ATRX: variants seen among roughly 807,000 people sequenced by gnomAD.
ATRX encodes the protein chromatin remodeler ATRX.
In ATRX, 12 loss-of-function variants were observed where a neutral mutation model predicts 172.6. The observed-to-expected ratio is 0.07, with a 90% CI of 0.04 to 0.11. The LOEUF is 0.11. Among genes scored for constraint, ATRX ranks in the 10% least tolerant of loss-of-function variants. ATRX has a pLI of 1.00. For missense variants in ATRX, 1,368 were observed against 1,767.4 expected, an observed-to-expected ratio of 0.77 and a Z score of 4.05; for synonymous variants, 674 against 594.7, an observed-to-expected ratio of 1.13 and a Z score of -1.94.
At chrX:77,630,272 T>G (rs1281198806) in intron 19 of ATRX, among the ~76,000 whole-genome samples, 1 of 112,020 alleles carries the variant, frequency 8.9e-6, no homozygotes, top group Non-Finnish European at 1.9e-5. Flanking sequence ...AAATTAGATG[T>G]TCATGGAGGG....
chrX:77,614,332 A>G (rs1221505405), intron 22 of ATRX, among the ~76,000 whole-genome samples: 3 of 111,945 alleles, frequency 2.7e-5, no homozygotes, highest in Admixed American at 1.9e-4. Context: ...TTTTTCAAAG[A>G]GGCTATTTAA....
At chrX:77,515,618 A>C (rs2063027026) in intron 34 of ATRX, among the ~76,000 whole-genome samples, 1 of 111,606 alleles carries the variant, frequency 9.0e-6, no homozygotes, top group African/African-American at 3.3e-5. Context: ...TGTGATTTCC[A>C]AACCTCAGCT....
At chrX:77,726,081 T>C (rs1157824731) in intron 1 of ATRX, among the ~76,000 whole-genome samples, 2 of 111,826 alleles carry the variant, frequency 1.8e-5, no homozygotes, top group Non-Finnish European at 3.8e-5. Context: ...CTCAAGGATC[T>C]AGAACTAGAA....
intron 19 of ATRX, among the ~76,000 whole-genome samples, chrX:77,628,251 T>C (rs2067959934): frequency 8.9e-6 from 1 of 112,967 alleles, no homozygotes; most frequent in Admixed American, 9.3e-5. Context: ...CATATGCACA[T>C]TCATGCACAC....
chrX:77,755,356 C>G (rs1257535756), intron 1 of ATRX, among the ~76,000 whole-genome samples: 1 of 112,045 alleles, frequency 8.9e-6, no homozygotes, highest in African/African-American at 3.2e-5. Context: ...ACTCATTCTC[C>G]GTCCAGTTTT....
intron 1 of ATRX, 79 bp downstream of exon 1, chrX:77,785,903 G>T: frequency 1.8e-6 from 2 of 1,129,805 alleles, no homozygotes; most frequent in South Asian, 4.2e-5. Context: ...CCCACCAAGC[G>T]AACGCCTTCC....
intron 1 of ATRX, among the ~76,000 whole-genome samples, chrX:77,747,412 T>C (rs2075126577): frequency 9.1e-6 from 1 of 109,992 alleles, no homozygotes; most frequent in Non-Finnish European, 1.9e-5. Context: ...TAATCCCAGC[T>C]ACTTGGGAGG....
chrX:77,611,308 G>A (rs1053306990), intron 22 of ATRX, among the ~76,000 whole-genome samples: 2 of 110,917 alleles, frequency 1.8e-5, no homozygotes, highest in Non-Finnish European at 1.9e-5. Flanking sequence ...TAATTTTGAC[G>A]TCCCTTTCCA....
intron 6 of ATRX, among the ~76,000 whole-genome samples, chrX:77,689,773 C>G: frequency 1.8e-5 from 2 of 112,111 alleles, no homozygotes; most frequent in Middle Eastern, 4.7e-3. Context: ...CATTCCCACC[C>G]CTAAACCACT....
chrX:77,751,007 T>C (rs2148878560), intron 1 of ATRX, among the ~76,000 whole-genome samples: 1 of 112,138 alleles, frequency 8.9e-6, no homozygotes, highest in East Asian at 2.8e-4. Context: ...CATGTGTCTT[T>C]ATAGTAGAAT....
At chrX:77,718,792 G>C (rs1221930104) in intron 1 of ATRX, among the ~76,000 whole-genome samples, 1 of 110,578 alleles carries the variant, frequency 9.0e-6, no homozygotes, top group African/African-American at 3.3e-5. Flanking sequence ...CTTAGAGTTA[G>C]CCTCTTGCTC....
chrX:77,539,843 T>C (rs782630457), intron 30 of ATRX, among the ~76,000 whole-genome samples: 1 of 112,082 alleles, frequency 8.9e-6, no homozygotes, highest in African/African-American at 3.2e-5. Context: ...GAACAACCAG[T>C]ATAAGACACT....
chrX:77,659,482 T>TACAC (rs72145948), intron 12 of ATRX, among the ~76,000 whole-genome samples: 1,213 of 88,456 alleles, frequency 0.014, 21 homozygotes, highest in Admixed American at 0.043. Flanking sequence ...TTTCTCTCTC[T>TACAC]ACACACACAC....
At chrX:77,514,138 C>T (rs1377208475) in intron 34 of ATRX, among the ~76,000 whole-genome samples, 1 of 111,999 alleles carries the variant, frequency 8.9e-6, no homozygotes, top group Non-Finnish European at 1.9e-5. Flanking sequence ...ACATTCCATG[C>T]TCATGGATAG....
At chrX:77,538,482 G>C (rs1467014875) in intron 30 of ATRX, among the ~76,000 whole-genome samples, 7 of 111,112 alleles carry the variant, frequency 6.3e-5, no homozygotes, top group African/African-American at 2.3e-4. Context: ...GGGAGGGTAG[G>C]AGGGAGATGA....
chrX:77,521,706 T>C (rs781943840), intron 32 of ATRX: 115 of 339,111 alleles, frequency 3.4e-4, no homozygotes, highest in Non-Finnish European at 5.4e-4. Flanking sequence ...AAAGTTTGAG[T>C]TTTATCACAC....
At chrX:77,550,955 G>T (rs2147906399) in intron 30 of ATRX, among the ~76,000 whole-genome samples, 1 of 111,428 alleles carries the variant, frequency 9.0e-6, no homozygotes, top group East Asian at 2.8e-4. Flanking sequence ...ACTGCTCAAT[G>T]AAATAAAAGA....
At chrX:77,641,793 G>A (rs1394486589) in intron 15 of ATRX, among the ~76,000 whole-genome samples, 2 of 110,808 alleles carry the variant, frequency 1.8e-5, no homozygotes, top group South Asian at 3.8e-4. Context: ...AAATGAAACA[G>A]AGGGGGGAAA....
At chrX:77,779,595 A>C (rs1372848075) in intron 1 of ATRX, among the ~76,000 whole-genome samples, 5 of 111,696 alleles carry the variant, frequency 4.5e-5, no homozygotes, top group African/African-American at 1.6e-4. Flanking sequence ...ATATTTTAGC[A>C]CTGCTTTCTA....
Sources: gnomAD v4.1 joint callset for allele counts (sites outside exome capture counted in the v4.1 genomes callset) on GRCh38, gnomAD v4.1.1 for gene constraint, MANE v1.5 for transcripts, NCBI Gene and HGNC (gene_info 2026-07-23, HGNC 2026-07-21) for gene names.